Variants in MACROD2 observed in about 807,000 individuals in gnomAD.
MACROD2 encodes mono-ADP ribosylhydrolase 2, also known as ADP-ribose glycohydrolase MACROD2.
Under a neutral mutation model 70.4 loss-of-function variants are expected in MACROD2, and 36 were observed. That is an observed-to-expected ratio of 0.51 (90% confidence interval 0.39 to 0.68). MACROD2 has a LOEUF of 0.68. MACROD2 is among the 30% of genes least tolerant of loss of function. The pLI is 0.00. For synonymous variants in MACROD2, 172 were observed against 178.8 expected (o/e 0.96, Z 0.30); for missense variants, 496 against 538.4 (o/e 0.92, Z 0.78).
At chr20:14,389,421 C>CAAAAAAAAAAAA in intron 3 of MACROD2, among the ~76,000 whole-genome samples, 1 of 90,042 alleles carries the variant, frequency 1.1e-5, no homozygotes, top group Non-Finnish European at 2.0e-5. Context: ...GACTTGGTCT[C>CAAAAAAAAAAAA]AAAAAAAAAA....
intron 6 of MACROD2, among the ~76,000 whole-genome samples, chr20:15,393,485 T>C (rs917937359): frequency 2.0e-5 from 3 of 152,200 alleles, no homozygotes; most frequent in Admixed American, 6.5e-5. Context: ...TTTTCCTTTA[T>C]TCTGTTTGTG....
intron 8 of MACROD2, among the ~76,000 whole-genome samples, chr20:15,500,261 AC>A (rs1286520266): frequency 3.9e-5 from 6 of 152,166 alleles, no homozygotes; most frequent in Non-Finnish European, 7.3e-5. Context: ...TGGATTTATA[AC>A]TAATCACTTC....
chr20:14,003,645 C>A, intron 2 of MACROD2: 1 of 454,494 alleles, frequency 2.2e-6, no homozygotes. Context: ...CGTCTCAGAA[C>A]AGAAGGGTGG....
chr20:15,377,910 C>T (rs927618872), intron 6 of MACROD2, among the ~76,000 whole-genome samples: 2 of 152,004 alleles, frequency 1.3e-5, no homozygotes, highest in Non-Finnish European at 2.9e-5. Context: ...CCAAACACTG[C>T]ACGTTCTCAC....
chr20:14,977,462 TAC>T (rs3045702), intron 5 of MACROD2, among the ~76,000 whole-genome samples: 6,296 of 134,754 alleles, frequency 0.047, 198 homozygotes, highest in East Asian at 0.17. Flanking sequence ...AAGAAAAAGA[TAC>T]ACACACACAC....
chr20:14,275,930 A>G (rs1053782395), intron 3 of MACROD2, among the ~76,000 whole-genome samples: 3 of 152,366 alleles, frequency 2.0e-5, no homozygotes, highest in Non-Finnish European at 2.9e-5. Context: ...ACAGTGAGAT[A>G]CCATCTCACA....
At chr20:14,447,568 G>C (rs1405573437) in intron 3 of MACROD2, among the ~76,000 whole-genome samples, 1 of 151,896 alleles carries the variant, frequency 6.6e-6, no homozygotes, top group Non-Finnish European at 1.5e-5. Flanking sequence ...GAGACTCTAG[G>C]AGTTTATTGT....
intron 6 of MACROD2, among the ~76,000 whole-genome samples, chr20:15,368,607 G>A (rs2146258132): frequency 6.6e-6 from 1 of 151,980 alleles, no homozygotes; most frequent in African/African-American, 2.4e-5. Flanking sequence ...GATTACAGGA[G>A]CGCACCACCA....
At chr20:14,022,440 C>CT (rs144434682) in intron 2 of MACROD2, among the ~76,000 whole-genome samples, 422 of 133,298 alleles carry the variant, frequency 3.2e-3, no homozygotes, top group African/African-American at 6.9e-3. Context: ...GAGCCCAATT[C>CT]TTTTTTTTTT....
At chr20:14,160,996 T>C (rs1032523652) in intron 3 of MACROD2, among the ~76,000 whole-genome samples, 1 of 152,054 alleles carries the variant, frequency 6.6e-6, no homozygotes, top group Non-Finnish European at 1.5e-5. Flanking sequence ...CCTTACACCC[T>C]CTCTCCTTTT....
chr20:14,714,369 A>G (rs967695955), intron 5 of MACROD2, among the ~76,000 whole-genome samples: 17 of 152,074 alleles, frequency 1.1e-4, no homozygotes, highest in African/African-American at 4.1e-4. Context: ...CAACTCATCT[A>G]CCCAGATCCA....
intron 4 of MACROD2, among the ~76,000 whole-genome samples, chr20:14,647,431 A>C (rs947367913): frequency 6.6e-6 from 1 of 152,170 alleles, no homozygotes; most frequent in African/African-American, 2.4e-5. Flanking sequence ...GTAATGATAA[A>C]AGAGATAACA....
At chr20:14,099,746 T>C (rs1174074026) in intron 3 of MACROD2, among the ~76,000 whole-genome samples, 3 of 152,172 alleles carry the variant, frequency 2.0e-5, no homozygotes, top group African/African-American at 7.2e-5. Context: ...TAGGACACTG[T>C]TGTGTGGTTT....
chr20:15,967,848 G>A (rs2066167314), intron 13 of MACROD2, among the ~76,000 whole-genome samples: 1 of 152,052 alleles, frequency 6.6e-6, no homozygotes, highest in South Asian at 2.1e-4. Flanking sequence ...TGCCAGGCTG[G>A]CTTCATTTAT....
At chr20:15,410,104 G>A (rs541594545) in intron 6 of MACROD2, among the ~76,000 whole-genome samples, 24 of 152,050 alleles carry the variant, frequency 1.6e-4, no homozygotes, top group Non-Finnish European at 3.1e-4. Context: ...TTGAGAATGC[G>A]TAGATATACA....
At chr20:14,868,263 C>A (rs2073449716) in intron 5 of MACROD2, among the ~76,000 whole-genome samples, 1 of 151,272 alleles carries the variant, frequency 6.6e-6, no homozygotes, top group Non-Finnish European at 1.5e-5. Flanking sequence ...TCATGGTTCA[C>A]TGCAGCCTTG....
At chr20:15,326,285 G>C (rs6105390) in intron 6 of MACROD2, among the ~76,000 whole-genome samples, 86,381 of 151,790 alleles carry the variant, frequency 0.57, 26,101 homozygotes, top group African/African-American at 0.78. Flanking sequence ...AAATTTGTAA[G>C]AAGTTTAAAA....
At chr20:15,683,913 A>G (rs1568973239) in intron 8 of MACROD2, among the ~76,000 whole-genome samples, 1 of 152,156 alleles carries the variant, frequency 6.6e-6, no homozygotes, top group Non-Finnish European at 1.5e-5. Context: ...TATTTTAATC[A>G]TTAAAATGAA....
intron 5 of MACROD2, among the ~76,000 whole-genome samples, chr20:15,229,231 G>A (rs892736794): frequency 6.6e-6 from 1 of 152,064 alleles, no homozygotes; most frequent in Admixed American, 6.6e-5. Flanking sequence ...ATCAAGTTTT[G>A]TATTTTTCAA....
Sources: allele counts gnomAD v4.1 joint callset (sites outside exome capture counted in the v4.1 genomes callset), GRCh38; gene constraint gnomAD v4.1.1; transcripts MANE v1.5; gene names NCBI Gene and HGNC (gene_info 2026-07-23, HGNC 2026-07-21).